ADK: variants seen among roughly 807,000 people sequenced by gnomAD.
ADK encodes adenosine kinase, also known as N6,N6-dimethyladenosine kinase.
In ADK, 24 loss-of-function variants were observed where a neutral mutation model predicts 44.7. The ratio of observed to expected loss-of-function variants is 0.54; its 90% confidence interval spans 0.39 to 0.76. ADK has a LOEUF of 0.76. ADK is among the 30% of genes least tolerant of loss of function. The pLI is 0.00. For synonymous variants in ADK, 128 were observed against 142.6 expected (o/e 0.90, Z 0.73); for missense variants, 321 against 425.1 (o/e 0.76, Z 2.15).
intron 3 of ADK, among the ~76,000 whole-genome samples, chr10:74,284,567 C>T (rs1014189674): frequency 6.6e-6 from 1 of 152,194 alleles, no homozygotes; most frequent in Non-Finnish European, 1.5e-5. Flanking sequence ...CCCAGCCCTT[C>T]ATCTCTTACA....
At chr10:74,177,573 C>G (rs1030403347) in intron 1 of ADK, among the ~76,000 whole-genome samples, 1 of 152,100 alleles carries the variant, frequency 6.6e-6, no homozygotes, top group African/African-American at 2.4e-5. Context: ...TGGGCTTGTC[C>G]ACTTTCTCCC....
chr10:74,499,236 A>T (rs1012756130), intron 6 of ADK, among the ~76,000 whole-genome samples: 1 of 151,984 alleles, frequency 6.6e-6, no homozygotes, highest in Non-Finnish European at 1.5e-5. Flanking sequence ...GTTGTTTTTT[A>T]TATTGAAGCC....
chr10:74,376,348 A>T (rs1234908328), intron 4 of ADK, among the ~76,000 whole-genome samples: 1 of 152,054 alleles, frequency 6.6e-6, no homozygotes, highest in Non-Finnish European at 1.5e-5. Flanking sequence ...TTGTTTTCTT[A>T]TCATATATCA....
At chr10:74,507,689 A>G (rs1471538101) in intron 6 of ADK, among the ~76,000 whole-genome samples, 3 of 152,214 alleles carry the variant, frequency 2.0e-5, no homozygotes, top group East Asian at 1.9e-4. Context: ...CAAAAATGTA[A>G]TCACATATTT....
At chr10:74,161,078 T>C (rs1841885400) in intron 1 of ADK, among the ~76,000 whole-genome samples, 1 of 152,232 alleles carries the variant, frequency 6.6e-6, no homozygotes, top group Admixed American at 6.5e-5. Context: ...ATGTACAGTA[T>C]GTGCATGTTT....
At chr10:74,619,381 G>C (rs1305243871) in intron 9 of ADK, among the ~76,000 whole-genome samples, 1 of 151,954 alleles carries the variant, frequency 6.6e-6, no homozygotes, top group African/African-American at 2.4e-5. Flanking sequence ...CTTGAACCCA[G>C]GAGGCAGAGG....
chr10:74,542,290 C>G (rs1849665920), intron 7 of ADK, among the ~76,000 whole-genome samples: 1 of 152,214 alleles, frequency 6.6e-6, no homozygotes, highest in Non-Finnish European at 1.5e-5. Context: ...TAAGCCATGC[C>G]TGGATTCCTT....
chr10:74,543,283 A>C (rs528259576), intron 7 of ADK, among the ~76,000 whole-genome samples: 1 of 151,488 alleles, frequency 6.6e-6, no homozygotes, highest in East Asian at 1.9e-4. Flanking sequence ...GGCTCAAGCA[A>C]TCCTCCTGCA....
intron 1 of ADK, among the ~76,000 whole-genome samples, chr10:74,186,090 C>T (rs975536238): frequency 2.6e-5 from 4 of 152,066 alleles, no homozygotes; most frequent in Non-Finnish European, 4.4e-5. Flanking sequence ...CTCAAGTGAT[C>T]TGCCTACCTC....
intron 9 of ADK, among the ~76,000 whole-genome samples, chr10:74,650,289 C>T (rs1388451163): frequency 6.6e-6 from 1 of 151,920 alleles, no homozygotes; most frequent in African/African-American, 2.4e-5. Context: ...GTGTCATGGC[C>T]GGCGTTTGTG....
chr10:74,434,992 A>T (rs1845133868), intron 6 of ADK, among the ~76,000 whole-genome samples: 1 of 152,206 alleles, frequency 6.6e-6, no homozygotes, highest in South Asian at 2.1e-4. Flanking sequence ...TCTATGTTGG[A>T]CTAGAGGATA....
chr10:74,199,739 G>A (rs968994644), intron 1 of ADK, among the ~76,000 whole-genome samples: 1 of 152,016 alleles, frequency 6.6e-6, no homozygotes, highest in Non-Finnish European at 1.5e-5. Context: ...GAGCGCAGTG[G>A]CACGATCTCG....
intron 1 of ADK, among the ~76,000 whole-genome samples, chr10:74,166,374 G>A (rs192770310): frequency 2.6e-5 from 4 of 152,270 alleles, no homozygotes; most frequent in African/African-American, 9.6e-5. Context: ...AGGCTGTAGT[G>A]CAGTTGAACA....
chr10:74,443,735 T>A (rs1048349242), intron 6 of ADK, among the ~76,000 whole-genome samples: 7 of 152,084 alleles, frequency 4.6e-5, no homozygotes, highest in African/African-American at 1.7e-4. Flanking sequence ...ATAGATGGTA[T>A]TAACAAAACT....
chr10:74,285,309 A>T (rs1385265168), intron 3 of ADK, among the ~76,000 whole-genome samples: 1 of 152,204 alleles, frequency 6.6e-6, no homozygotes, highest in Non-Finnish European at 1.5e-5. Flanking sequence ...GATAGATTGG[A>T]AAATGAGTGT....
chr10:74,238,587 A>C (rs1369193542), intron 3 of ADK, among the ~76,000 whole-genome samples: 3 of 152,176 alleles, frequency 2.0e-5, no homozygotes, highest in African/African-American at 7.2e-5. Context: ...AAGATATAAA[A>C]ATGTGTAAAA....
intron 1 of ADK, among the ~76,000 whole-genome samples, chr10:74,163,405 TAGAA>T (rs1841955368): frequency 5.9e-5 from 9 of 152,228 alleles, no homozygotes; most frequent in Admixed American, 5.9e-4. Flanking sequence ...AGTGACCTGT[TAGAA>T]TGATGAATCT....
chr10:74,384,752 T>C (rs1048296723), intron 4 of ADK, among the ~76,000 whole-genome samples: 12 of 152,148 alleles, frequency 7.9e-5, no homozygotes, highest in African/African-American at 2.9e-4. Context: ...ACCTGAAACC[T>C]AAGTAGGAAG....
At chr10:74,507,844 T>C (rs1848143370) in intron 6 of ADK, among the ~76,000 whole-genome samples, 1 of 152,200 alleles carries the variant, frequency 6.6e-6, no homozygotes, top group Non-Finnish European at 1.5e-5. Flanking sequence ...CTCATTTATT[T>C]CATAATATCA....
Sources: gnomAD v4.1 joint callset for allele counts (sites outside exome capture counted in the v4.1 genomes callset) on GRCh38, gnomAD v4.1.1 for gene constraint, MANE v1.5 for transcripts, NCBI Gene and HGNC (gene_info 2026-07-23, HGNC 2026-07-21) for gene names.